Variants in PXDNL observed in about 807,000 individuals in gnomAD.
PXDNL encodes the protein probable oxidoreductase PXDNL.
In PXDNL, 145 loss-of-function variants were observed where a neutral mutation model predicts 150.8. That is an observed-to-expected ratio of 0.96 (90% CI 0.84 to 1.10). The LOEUF (loss-of-function observed/expected upper bound fraction) is 1.10. PXDNL is among the 50% of genes least tolerant of loss of function. PXDNL has a pLI of 0.00. For missense variants in PXDNL, 2,087 were observed against 1,873.9 expected (o/e 1.11, Z -2.10); for synonymous variants, 757 against 725.7 (o/e 1.04, Z -0.69).
rs1307241628 is a variant in PXDNL at position 51,472,171 on chromosome 8, C to T, written c.812+16G>A. ...CAGAAGGAGAATCACAACCCATGTC[C>T]ATGCTCAGTATTTACTTGTTGTGTA... On this transcript the variant is annotated intron_variant, in intron 8 of 22. Coordinates refer to ENST00000356297, the MANE Select transcript of PXDNL (RefSeq NM_144651.5). The T allele has an allele frequency of 6.6e-7, 1 of 1,516,886 alleles. No individual in the cohort carries two copies. Among genetic ancestry groups the T allele is most frequent in the Non-Finnish European group, 9.1e-7 (1 of 1,093,062 alleles). 94.0% of individuals were successfully genotyped at this position (1,516,886 alleles called of 1,614,324 possible).
intron 1 of PXDNL, among the ~76,000 whole-genome samples, chr8:51,782,209 T>C (rs1563319933): frequency 6.6e-6 from 1 of 152,044 alleles, no homozygotes; most frequent in Non-Finnish European, 1.5e-5. Context: ...TTCCAGCAAA[T>C]AGAGCAGTGT....
At chr8:51,414,429 T>A (rs1267358353) in intron 14 of PXDNL, among the ~76,000 whole-genome samples, 2 of 151,668 alleles carry the variant, frequency 1.3e-5, no homozygotes, top group African/African-American at 2.4e-5. Context: ...GGAAATATTG[T>A]AAGGAAAGAA....
chr8:51,665,501 C>A (rs370289777), intron 1 of PXDNL, among the ~76,000 whole-genome samples: 16 of 152,106 alleles, frequency 1.1e-4, no homozygotes, highest in South Asian at 8.3e-4. Context: ...TCTCTGTTCC[C>A]ACCCAACACA....
intron 1 of PXDNL, among the ~76,000 whole-genome samples, chr8:51,697,165 G>A (rs548348314): frequency 3.9e-5 from 6 of 152,068 alleles, no homozygotes; most frequent in South Asian, 2.1e-4. Flanking sequence ...TTAGCCGAGC[G>A]TGGTGGCGGG....
chr8:51,648,607 C>T (rs1464652706), intron 2 of PXDNL, among the ~76,000 whole-genome samples: 1 of 152,166 alleles, frequency 6.6e-6, no homozygotes, highest in Non-Finnish European at 1.5e-5. Flanking sequence ...ATTTAAGACA[C>T]CAAGGCTTTG....
chr8:51,622,329 C>T (rs1478569567), intron 2 of PXDNL, among the ~76,000 whole-genome samples: 3 of 152,164 alleles, frequency 2.0e-5, no homozygotes, highest in Non-Finnish European at 4.4e-5. Context: ...AGAGTTGAAG[C>T]TGCCAGACTT....
At chr8:51,595,649 A>G (rs1016799844) in intron 2 of PXDNL, among the ~76,000 whole-genome samples, 14 of 152,164 alleles carry the variant, frequency 9.2e-5, no homozygotes, top group Non-Finnish European at 2.9e-5. Flanking sequence ...TACCAAAGTA[A>G]ACATAGTATG....
intron 2 of PXDNL, among the ~76,000 whole-genome samples, chr8:51,623,072 C>T (rs933844552): frequency 1.1e-4 from 17 of 152,242 alleles, no homozygotes; most frequent in Non-Finnish European, 2.4e-4. Context: ...TTCCATACTT[C>T]CTGGTTTAAA....
At position 51,556,904 on chromosome 8, in the gene PXDNL, A is replaced by T; in HGVS notation, c.316T>A (p.Tyr106Asn). Residue 106 changes from tyrosine (Y) to asparagine (N), a missense_variant, in exon 4 of 23, where the codon TAT becomes AAT. Transcript: ENST00000356297. ...GLENLLYLYL[Y>N]KNEIHALDKQ... ...TCTAGTGCATGGATTTCATTCTTAT[A>T]CAGGTACCTGGAAAATATATAGAAT... 1 of 1,548,020 alleles carries T rather than the reference A, an allele frequency of 6.5e-7. No individual in the cohort carries two copies. The highest frequency in any genetic ancestry group is 8.9e-7 in the Non-Finnish European group (1 of 1,120,774).
intron 1 of PXDNL, among the ~76,000 whole-genome samples, chr8:51,720,854 G>A (rs561907008): frequency 1.3e-5 from 2 of 152,246 alleles, no homozygotes; most frequent in Non-Finnish European, 2.9e-5. Flanking sequence ...GCCTAGGCCG[G>A]TGAAGGCAAG....
chr8:51,570,577 T>C (rs1477515326), intron 3 of PXDNL, among the ~76,000 whole-genome samples: 1 of 151,948 alleles, frequency 6.6e-6, no homozygotes, highest in Non-Finnish European at 1.5e-5. Context: ...GAATTCTTCC[T>C]AATAATGGCT....
In PXDNL at chr8:51,592,713, A is replaced by C; in HGVS notation, c.237-15T>G. Reference sequence around the variant, plus strand: ...TGTTCAGCAGACTGAAAAAGCAAAAACAAACAAATAATTCCCAAATGAGAA... The same window carrying C: ...TGTTCAGCAGACTGAAAAAGCAAAACCAAACAAATAATTCCCAAATGAGAA... On this transcript the variant is annotated splice_polypyrimidine_tract_variant and intron_variant, in intron 2 of 22. Transcript: ENST00000356297. 2.0e-6 allele frequency: 3 copies of C among 1,532,050 alleles called. No homozygotes were observed. Among genetic ancestry groups the C allele is most frequent in the Non-Finnish European group, 2.6e-6 (3 of 1,135,760 alleles). 94.9% of individuals were successfully genotyped at this position (1,532,050 alleles called of 1,614,324 possible). A position where few individuals can be genotyped will look rare whatever the true frequency, so the allele number is the denominator to read the frequency against.
At chr8:51,744,928 A>G (rs1253906076) in intron 1 of PXDNL, among the ~76,000 whole-genome samples, 27 of 88,278 alleles carry the variant, frequency 3.1e-4, no homozygotes, top group African/African-American at 1.2e-3. Context: ...GAAAGAAAGA[A>G]AAAGAAAGAA....
rs887623367 is a variant in PXDNL at position 51,427,629 on chromosome 8, C to T, written c.1526-871G>A. 3.9e-5 allele frequency among the ~76,000 whole-genome samples: 6 copies of T among 152,152 alleles called. No homozygotes were observed. In the East Asian group the frequency reaches 5.8e-4, roughly 15 times the overall value. ...TAAATGTAATCCATCATATTAATGG[C>T]TAAAGAAGAAAAGCCACATAATAGT... is the stretch of plus-strand genomic sequence containing the variant. On this transcript the variant is annotated intron_variant, in intron 12 of 22. Coordinates refer to ENST00000356297, the MANE Select transcript of PXDNL (RefSeq NM_144651.5).
At chr8:51,433,830 T>C (rs888449247) in intron 12 of PXDNL, among the ~76,000 whole-genome samples, 1 of 152,196 alleles carries the variant, frequency 6.6e-6, no homozygotes, top group African/African-American at 2.4e-5. Context: ...AAACTTTAAC[T>C]TCAATAAACA....
At chr8:51,320,934 G>A in intron 21 of PXDNL, 37 bp from the exon 22 acceptor site, 1 of 1,463,634 alleles carries the variant, frequency 6.8e-7, no homozygotes, top group South Asian at 1.1e-5. Context: ...AGTGGAAATT[G>A]AAGCGGATAG....
At chr8:51,651,601 G>C (rs1436881661) in intron 2 of PXDNL, among the ~76,000 whole-genome samples, 2 of 152,132 alleles carry the variant, frequency 1.3e-5, no homozygotes, top group Non-Finnish European at 2.9e-5. Flanking sequence ...ATCAGCCCTA[G>C]AATCAGATCT....
intron 2 of PXDNL, among the ~76,000 whole-genome samples, chr8:51,600,749 AGTTTAG>A (rs1813698442): frequency 5.1e-5 from 7 of 136,158 alleles, no homozygotes; most frequent in African/African-American, 1.9e-4. Context: ...TAAATTATAT[AGTTTAG>A]ATAATAAATT....
intron 8 of PXDNL, among the ~76,000 whole-genome samples, chr8:51,471,274 C>G (rs866596932): frequency 6.6e-6 from 1 of 151,938 alleles, no homozygotes; most frequent in Non-Finnish European, 1.5e-5. Context: ...CAAATCAAAA[C>G]TACAACGAGA....
Sources: allele counts gnomAD v4.1 joint callset (sites outside exome capture counted in the v4.1 genomes callset), GRCh38; gene constraint gnomAD v4.1.1; transcripts MANE v1.5; gene names NCBI Gene and HGNC (gene_info 2026-07-23, HGNC 2026-07-21).